The following SYNE2 variants were observed in gnomAD, a reference collection of about 807,000 sequenced individuals.
SYNE2 encodes spectrin repeat containing nuclear envelope protein 2, also known as nesprin-2.
Under a neutral mutation model 856.3 loss-of-function variants are expected in SYNE2, and 431 were observed. That is an observed-to-expected ratio of 0.50 (90% CI 0.47 to 0.55). SYNE2 has a LOEUF of 0.55. Among genes scored for constraint, SYNE2 ranks in the 20% least tolerant of loss-of-function variants. SYNE2 has a pLI of 0.00. For synonymous variants in SYNE2, 2,923 were observed against 2,872.3 expected, an observed-to-expected ratio of 1.02 and a Z score of -0.56; for missense variants, 8,129 against 8,023.2, an observed-to-expected ratio of 1.01 and a Z score of -0.50.
chr14:64,087,647 T>G (rs763946768), intron 57 of SYNE2, 24 bp from the exon 58 acceptor site: 2 of 1,612,212 alleles, frequency 1.2e-6, no homozygotes, highest in South Asian at 1.1e-5. Flanking sequence ...TTCTCTCTAT[T>G]TTTCCCATTC....
intron 102 of SYNE2, 141 bp from the exon 103 acceptor site, chr14:64,209,801 C>T: frequency 2.4e-6 from 3 of 1,229,968 alleles, no homozygotes; most frequent in Non-Finnish European, 3.5e-6. Context: ...TAGCTGGCAT[C>T]AGGACTGGTG....
At chr14:63,852,827 G>A (rs902378663), upstream of SYNE2, among the ~76,000 whole-genome samples, 2 of 152,070 alleles carry the variant, frequency 1.3e-5, no homozygotes, top group Non-Finnish European at 2.9e-5. Context: ...CCAAAAGACG[G>A]GGAGAAAGTT....
At position 64,009,975 on chromosome 14, in the gene SYNE2, A is replaced by G. The variant is rs774411048; in HGVS notation, c.4587A>G (p.Gln1529=). ...ATTTTTCTATTCTTAGTCTTGAACAATGTGGGAGAGTTTTGGAGCTCTTAA... is the reference window on the plus strand; with the variant it reads ...ATTTTTCTATTCTTAGTCTTGAACAGTGTGGGAGAGTTTTGGAGCTCTTAA... The part of the protein sequence containing the change: ...TKALVTECLE[Q]CGRVLELLKQ... Residue 1529 remains glutamine, a synonymous_variant, in exon 32 of 116, where the codon CAA becomes CAG. Transcript: ENST00000555002. 17 of 1,613,720 alleles carry G rather than the reference A, an allele frequency of 1.1e-5. No homozygotes were observed. The highest frequency in any genetic ancestry group is 1.3e-5 in the Non-Finnish European group (15 of 1,179,842).
At chr14:64,087,387 A>G (rs749366055) in intron 57 of SYNE2, 8 of 585,684 alleles carry the variant, frequency 1.4e-5, no homozygotes, top group Non-Finnish European at 6.7e-6. Flanking sequence ...TATGTATAAT[A>G]AAAGACACTT....
chr14:64,134,759 C>A (rs1244380559), intron 78 of SYNE2, among the ~76,000 whole-genome samples: 2 of 151,744 alleles, frequency 1.3e-5, no homozygotes, highest in Non-Finnish European at 1.5e-5. Flanking sequence ...GGTGGATTGC[C>A]TGGGCTCAGG....
intron 23 of SYNE2, 65 bp downstream of exon 23, chr14:63,995,267 G>A (rs1212641559): frequency 1.4e-6 from 2 of 1,415,928 alleles, no homozygotes; most frequent in African/African-American, 2.8e-5. Flanking sequence ...ATGGTTGTGT[G>A]TATCTTTAGC....
intron 61 of SYNE2, among the ~76,000 whole-genome samples, chr14:64,096,788 G>C (rs1567284271): frequency 6.6e-6 from 1 of 152,194 alleles, no homozygotes; most frequent in Non-Finnish European, 1.5e-5. Context: ...CTCTCTTGCA[G>C]GTGGAGACAG....
At position 64,225,192 on chromosome 14, in the gene SYNE2, C is replaced by G. The variant is rs1256997322; in HGVS notation, c.20517-127C>G. 10 of 1,560,352 alleles carry G rather than the reference C, an allele frequency of 6.4e-6. No homozygotes were observed. The East Asian group carries it at 2.0e-4, about 32-fold the overall frequency. On this transcript the variant is annotated intron_variant, in intron 115 of 115. Coordinates refer to ENST00000555002, the MANE Select transcript of SYNE2 (RefSeq NM_182914.3). ...CTGGTTTTCTCCTCTGAAACTGAAC[C>G]CCAACTGTTGGCCCTATTTAAATCT...
rs143542931 is a variant in SYNE2 at position 63,863,946 on chromosome 14, T to C, written c.-52+10803T>C. The stretch of plus-strand genomic sequence containing the variant: ...TTCAAGCAATTCTGCCTCAGCCTCC[T>C]GAATAGCTGGGATTACAGGCGCACG... On this transcript the variant is annotated intron_variant, in intron 1 of 115. Coordinates refer to ENST00000555002, the MANE Select transcript of SYNE2 (RefSeq NM_182914.3). Among the ~76,000 whole-genome samples the C allele has an allele frequency of 3.9e-5, 6 of 152,250 alleles. No individual in the cohort carries two copies. In the East Asian group the frequency reaches 1.2e-3, roughly 29 times the overall value.
intron 1 of SYNE2, among the ~76,000 whole-genome samples, chr14:63,856,803 G>A (rs369951836): frequency 3.3e-5 from 5 of 151,968 alleles, no homozygotes; most frequent in Non-Finnish European, 5.9e-5. Flanking sequence ...ACAAGGTCTC[G>A]TTCTATCACC....
At chr14:63,964,382 C>A (rs2096362604) in intron 10 of SYNE2, among the ~76,000 whole-genome samples, 1 of 152,208 alleles carries the variant, frequency 6.6e-6, no homozygotes, top group Non-Finnish European at 1.5e-5. Flanking sequence ...CCAGTCACTA[C>A]TTTCACACTA....
Position 63,835,998 on chromosome 14 carries a change from A to AAT in SYNE2, c.-304-16503_-304-16502insAT, listed in dbSNP as rs201325032. ...AACTCTGTCTCAAAAAAAAAAAAAAAGGTGAAAATATCCAAATATTTCAAT... is the reference window on the plus strand; with the variant it reads ...AACTCTGTCTCAAAAAAAAAAAAAAAATGGTGAAAATATCCAAATATTTCAAT... On this transcript the variant is annotated intron_variant, in intron 1 of 23. Transcript: ENST00000674003. Among the ~76,000 whole-genome samples, 506 of 149,828 alleles carry AAT rather than the reference A, an allele frequency of 3.4e-3. 1 individual carries two copies. Among genetic ancestry groups the AAT allele is most frequent in the Non-Finnish European group, 4.6e-3 (312 of 67,362 alleles).
chr14:64,082,226 T>C (rs367837884), intron 57 of SYNE2, among the ~76,000 whole-genome samples: 22 of 152,246 alleles, frequency 1.4e-4, no homozygotes, highest in African/African-American at 5.3e-4. Flanking sequence ...ATGAATATGA[T>C]GGGATAGTCC....
intron 1 of SYNE2, among the ~76,000 whole-genome samples, chr14:63,782,135 C>CAAA (rs200894740): frequency 7.3e-6 from 1 of 136,936 alleles, no homozygotes; most frequent in African/African-American, 2.8e-5. Context: ...GACCCCATCT[C>CAAA]AAAAAAAAAA....
chr14:63,955,747 AT>A (rs1812677017), intron 8 of SYNE2, among the ~76,000 whole-genome samples: 1 of 152,186 alleles, frequency 6.6e-6, no homozygotes, highest in South Asian at 2.1e-4. Context: ...GTATTATTTT[AT>A]AAATAATTAT....
At chr14:64,119,322 C>A in intron 66 of SYNE2, 105 bp from the exon 67 acceptor site, 1 of 1,422,568 alleles carries the variant, frequency 7.0e-7, no homozygotes, top group Non-Finnish European at 9.7e-7. Context: ...GTTTCTGGGA[C>A]TTCTTGTATA....
chr14:64,146,533 G>C (rs1337957353), intron 84 of SYNE2, among the ~76,000 whole-genome samples: 1 of 152,078 alleles, frequency 6.6e-6, no homozygotes, highest in Non-Finnish European at 1.5e-5. Flanking sequence ...TTTTCCATTT[G>C]TTTAATCATT....
chr14:64,221,856 T>G (rs2098695814), intron 112 of SYNE2, 152 bp downstream of exon 112: 2 of 964,618 alleles, frequency 2.1e-6, no homozygotes, highest in Non-Finnish European at 3.2e-6. Flanking sequence ...TTCCTCCAGT[T>G]GGTGTTTACC....
intron 1 of SYNE2, among the ~76,000 whole-genome samples, chr14:63,794,686 T>G (rs1458286433): frequency 6.6e-6 from 1 of 152,102 alleles, no homozygotes; most frequent in Non-Finnish European, 1.5e-5. Context: ...ATTAGAGAAA[T>G]GCAAATTACA....
Sources: gnomAD v4.1 joint callset for allele counts (sites outside exome capture counted in the v4.1 genomes callset) on GRCh38, gnomAD v4.1.1 for gene constraint, MANE v1.5 for transcripts, NCBI Gene and HGNC (gene_info 2026-07-23, HGNC 2026-07-21) for gene names.